The following SPAG16 variants were observed in gnomAD, a reference collection of about 807,000 sequenced individuals.
The protein encoded by SPAG16 is sperm-associated antigen 16 protein.
In SPAG16, 86 loss-of-function variants were observed where a neutral mutation model predicts 80.4. The observed-to-expected ratio is 1.07, with a 90% CI of 0.90 to 1.28. The LOEUF is 1.28. SPAG16 is among the 50% of genes most tolerant of loss of function. The pLI, the probability that SPAG16 is intolerant of heterozygous loss-of-function variation, is 0.00. For synonymous variants in SPAG16, 294 were observed against 265.9 expected, an observed-to-expected ratio of 1.11 and a Z score of -1.03; for missense variants, 870 against 765.3, an observed-to-expected ratio of 1.14 and a Z score of -1.61.
At chr2:214,190,062 T>C (rs1251181114) in intron 15 of SPAG16, among the ~76,000 whole-genome samples, 9 of 152,262 alleles carry the variant, frequency 5.9e-5, no homozygotes, top group African/African-American at 2.2e-4. Context: ...GTCTTATCTC[T>C]TTCCTTTTTC....
intron 10 of SPAG16, among the ~76,000 whole-genome samples, chr2:213,513,917 T>C (rs2125823673): frequency 6.6e-6 from 1 of 152,298 alleles, no homozygotes; most frequent in Non-Finnish European, 1.5e-5. Flanking sequence ...CTCTCAATCA[T>C]AGATTGCAAA....
chr2:213,546,179 A>G (rs925686666), intron 10 of SPAG16, among the ~76,000 whole-genome samples: 1 of 152,144 alleles, frequency 6.6e-6, no homozygotes, highest in African/African-American at 2.4e-5. Flanking sequence ...ACTTTAATTT[A>G]CATGATTTTT....
chr2:214,281,214 C>A (rs753541393), intron 15 of SPAG16: 3 of 331,300 alleles, frequency 9.1e-6, no homozygotes, highest in Non-Finnish European at 1.8e-5. Context: ...CATATTTTGG[C>A]AGTTCATGTG....
chr2:214,199,737 G>A (rs976460230), intron 15 of SPAG16, among the ~76,000 whole-genome samples: 22 of 152,176 alleles, frequency 1.4e-4, no homozygotes, highest in African/African-American at 5.3e-4. Context: ...CATGAACATG[G>A]AATGTGTTTC....
intron 12 of SPAG16, among the ~76,000 whole-genome samples, chr2:213,936,294 A>G (rs1251971491): frequency 5.3e-5 from 8 of 152,222 alleles, no homozygotes; most frequent in Non-Finnish European, 1.2e-4. Flanking sequence ...GAGTATGTAC[A>G]TATAATAGAG....
chr2:213,654,861 A>C (rs1180168421), intron 10 of SPAG16, among the ~76,000 whole-genome samples: 1 of 152,230 alleles, frequency 6.6e-6, no homozygotes, highest in Non-Finnish European at 1.5e-5. Flanking sequence ...ATACTATCAA[A>C]AATAATTTAA....
intron 10 of SPAG16, among the ~76,000 whole-genome samples, chr2:213,633,057 T>C (rs548535282): frequency 3.9e-5 from 6 of 152,298 alleles, no homozygotes; most frequent in South Asian, 2.1e-4. Context: ...TAGTTCTTCT[T>C]TGAATGTTTG....
intron 10 of SPAG16, among the ~76,000 whole-genome samples, chr2:213,604,735 T>C (rs755137679): frequency 6.6e-6 from 1 of 151,988 alleles, no homozygotes; most frequent in Non-Finnish European, 1.5e-5. Context: ...TAGATCTTCC[T>C]AATTTTCTAA....
intron 9 of SPAG16, among the ~76,000 whole-genome samples, chr2:213,392,986 A>C (rs537456525): frequency 6.6e-6 from 1 of 152,328 alleles, no homozygotes; most frequent in Non-Finnish European, 1.5e-5. Flanking sequence ...CAACATATTT[A>C]TAATTCTGTG....
Position 214,155,619 on chromosome 2 carries a change from C to T in SPAG16, c.1720+6353C>T, listed in dbSNP as rs537748817. Among the ~76,000 whole-genome samples, 222 of 152,136 alleles carry T rather than the reference C, an allele frequency of 1.5e-3. 1 individual carries two copies. The highest frequency in any genetic ancestry group is 0.01 in the Middle Eastern group (3 of 294). On this transcript the variant is annotated intron_variant, in intron 15 of 15. Transcript: ENST00000331683. ...TCCTGAGAAGCTAGGAAGACAGACACGTGACACCATGCCTGAGGGTAGCCT... is the reference window on the plus strand; with the variant it reads ...TCCTGAGAAGCTAGGAAGACAGACATGTGACACCATGCCTGAGGGTAGCCT...
intron 11 of SPAG16, among the ~76,000 whole-genome samples, chr2:213,927,352 C>T (rs529644835): frequency 6.6e-6 from 1 of 152,252 alleles, no homozygotes; most frequent in Admixed American, 6.5e-5. Context: ...GTGTGGAGCC[C>T]AGGGAAACTC....
chr2:214,149,287 T>G (rs766694116), intron 15 of SPAG16, 21 bp downstream of exon 15: 6 of 1,523,068 alleles, frequency 3.9e-6, no homozygotes, highest in Non-Finnish European at 5.3e-6. Flanking sequence ...TTTTGTCTAA[T>G]GTTTCTGACT....
chr2:214,324,590 T>C (rs903863067), intron 15 of SPAG16, among the ~76,000 whole-genome samples: 6 of 152,172 alleles, frequency 3.9e-5, no homozygotes, highest in Non-Finnish European at 8.8e-5. Flanking sequence ...GCCTATCAAA[T>C]AGTATTCCCA....
chr2:213,656,140 C>T (rs548519771), intron 10 of SPAG16, among the ~76,000 whole-genome samples: 4 of 152,340 alleles, frequency 2.6e-5, no homozygotes, highest in African/African-American at 9.6e-5. Flanking sequence ...TAGGAAAATA[C>T]ATTTGTTTCA....
At chr2:213,918,334 G>A (rs1411456891) in intron 11 of SPAG16, among the ~76,000 whole-genome samples, 4 of 152,288 alleles carry the variant, frequency 2.6e-5, no homozygotes, top group African/African-American at 7.2e-5. Context: ...AACAGTTTCA[G>A]TAAGAGTGAT....
chr2:213,345,755 C>A (rs562913015), intron 6 of SPAG16, among the ~76,000 whole-genome samples: 35 of 151,128 alleles, frequency 2.3e-4, no homozygotes, highest in African/African-American at 8.3e-4. Context: ...TGTTTTGGTA[C>A]CAGTACCGTG....
chr2:213,560,987 C>T (rs2059584462), intron 10 of SPAG16, among the ~76,000 whole-genome samples: 1 of 152,144 alleles, frequency 6.6e-6, no homozygotes, highest in African/African-American at 2.4e-5. Flanking sequence ...TCTCAGCCTC[C>T]CGAGTAACTG....
At chr2:214,242,315 C>T (rs1379798127) in intron 15 of SPAG16, among the ~76,000 whole-genome samples, 1 of 152,112 alleles carries the variant, frequency 6.6e-6, no homozygotes, top group Admixed American at 6.6e-5. Context: ...GCTGGACTAT[C>T]GGTGTCACAA....
chr2:214,400,962 C>T (rs1273785530), intron 15 of SPAG16, among the ~76,000 whole-genome samples: 1 of 151,988 alleles, frequency 6.6e-6, no homozygotes, highest in African/African-American at 2.4e-5. Context: ...AGTTAGGACC[C>T]TTTAGCATTA....
Sources: gnomAD v4.1 joint callset for allele counts (sites outside exome capture counted in the v4.1 genomes callset) on GRCh38, gnomAD v4.1.1 for gene constraint, MANE v1.5 for transcripts, NCBI Gene and HGNC (gene_info 2026-07-23, HGNC 2026-07-21) for gene names.